The following PIK3R3 variants were observed in gnomAD, a reference collection of about 807,000 sequenced individuals.
PIK3R3 encodes the protein phosphoinositide-3-kinase regulatory subunit 3.
Under a neutral mutation model 62.9 loss-of-function variants are expected in PIK3R3, and 64 were observed. That is an observed-to-expected ratio of 1.02 (90% CI 0.83 to 1.25). The LOEUF (loss-of-function observed/expected upper bound fraction) is 1.25, where lower values mean the gene tolerates loss of function less well. Among genes scored for constraint, PIK3R3 ranks in the 50% most tolerant of loss-of-function variants. PIK3R3 has a pLI of 0.00. For synonymous variants in PIK3R3, 165 were observed against 189.0 expected (o/e 0.87, Z 1.04); for missense variants, 614 against 561.6 (o/e 1.09, Z -0.94).
At chr1:46,166,216 T>C in the PIK3R3 span, among the ~76,000 whole-genome samples, 1 of 150,608 alleles carries the variant, frequency 6.6e-6, no homozygotes, top group South Asian at 2.2e-4. Flanking sequence ...TTTTCTTTTC[T>C]TTTCTTTTCT....
chr1:46,046,058 G>A lies in PIK3R3; in HGVS notation c.1047C>T (p.Asn349=), dbSNP rs1647108100. 5.0e-6 allele frequency: 8 copies of A among 1,604,894 alleles called. No individual in the cohort carries two copies. In the East Asian group the frequency reaches 1.8e-4, roughly 36 times the overall value. The stretch of plus-strand genomic sequence containing the variant: ...AGGTTTTCTCATCATAATGGGGCAG[G>A]TTTTCATCTTCCTCATTGATAAAAT... ...ENYFINEEDE[N]LPHYDEKTWF... The change falls in exon 9 of 10, where the codon AAC becomes AAT. Residue 349 remains asparagine, a synonymous_variant. Coordinates refer to ENST00000262741, the MANE Select transcript of PIK3R3 (RefSeq NM_003629.4).
intron 1 of PIK3R3, among the ~76,000 whole-genome samples, chr1:46,131,036 A>T (rs1655535523): frequency 6.6e-6 from 1 of 152,258 alleles, no homozygotes; most frequent in African/African-American, 2.4e-5. Flanking sequence ...TGTATACTTT[A>T]CATTACGTGT....
chr1:46,110,547 G>A (rs1432425408), intron 1 of PIK3R3, among the ~76,000 whole-genome samples: 2 of 151,844 alleles, frequency 1.3e-5, no homozygotes, highest in Admixed American at 1.3e-4. Context: ...ATTCTACAGA[G>A]CTCTTCTCAA....
the PIK3R3 span, among the ~76,000 whole-genome samples, chr1:46,156,842 A>G: frequency 6.6e-6 from 1 of 152,056 alleles, no homozygotes; most frequent in Non-Finnish European, 1.5e-5. Flanking sequence ...CCATGCCTCA[A>G]CTCCACTTGG....
In PIK3R3 at chr1:46,061,844, G is replaced by A. The variant is rs1001324547; in HGVS notation, c.764+85C>T. The A allele has an allele frequency of 7.7e-6, 10 of 1,300,362 alleles. 1 individual carries two copies. Among genetic ancestry groups the A allele is most frequent in the Admixed American group, 3.6e-5 (2 of 56,284 alleles). 80.6% of individuals were successfully genotyped at this position (1,300,362 alleles called of 1,614,324 possible). A position where few individuals can be genotyped will look rare whatever the true frequency, so the allele number is the denominator to read the frequency against. ...ATAGTAGGGCTGTGCAGTTTGAGGGGGTAAAAGAAAACAAGACAGAAATTA... is the reference window on the plus strand; with the variant it reads ...ATAGTAGGGCTGTGCAGTTTGAGGGAGTAAAAGAAAACAAGACAGAAATTA... On this transcript the variant is annotated intron_variant, in intron 6 of 9. Transcript: ENST00000262741.
rs527482819 is a variant in PIK3R3, at chr1:46,091,297, C to T, written c.107-10547G>A. ...CTGGGACTATAGGCACGTGCTATCACGCCCAGCTAATTTTTGTATTTGTAG... is the reference window on the plus strand; with the variant it reads ...CTGGGACTATAGGCACGTGCTATCATGCCCAGCTAATTTTTGTATTTGTAG... On this transcript the variant is annotated intron_variant, in intron 1 of 9. Transcript: ENST00000262741. 1.6e-4 allele frequency among the ~76,000 whole-genome samples: 25 copies of T among 152,042 alleles called. No homozygotes were observed. The South Asian group carries it at 4.2e-3, about 25-fold the overall frequency.
intron 3 of PIK3R3, among the ~76,000 whole-genome samples, chr1:46,076,932 G>A (rs1026731785): frequency 6.6e-6 from 1 of 151,826 alleles, no homozygotes; most frequent in Non-Finnish European, 1.5e-5. Flanking sequence ...AAAATCATAA[G>A]GCTTTATTGT....
rs1191973127 is a variant in PIK3R3, at chr1:46,043,795, A to T, written c.1264T>A (p.Tyr422Asn). ...AGCACTAGCTCCTTCAGAGAGCTGT[A>T]CAGGTTGTAGGGCTCTGCAAAGCCA... ...GYGFAEPYNL[Y>N]SSLKELVLHY... is the part of the protein sequence containing the mutation. The change falls in exon 10 of 10, where the codon TAC becomes AAC. Residue 422 changes from tyrosine (Y) to asparagine (N), a missense_variant. Coordinates refer to ENST00000262741, the MANE Select transcript of PIK3R3 (RefSeq NM_003629.4). 1 of 1,614,042 alleles carries T rather than the reference A, an allele frequency of 6.2e-7. No individual in the cohort carries two copies. The highest frequency in any genetic ancestry group is 1.3e-5 in the African/African-American group (1 of 74,940).
chr1:46,156,774 C>T, the PIK3R3 span, among the ~76,000 whole-genome samples: 4 of 152,156 alleles, frequency 2.6e-5, no homozygotes, highest in African/African-American at 7.2e-5. Context: ...ACTGCAGTCA[C>T]GTTATCAGTT....
chr1:46,122,214 T>C (rs183383958), intron 1 of PIK3R3, among the ~76,000 whole-genome samples: 17 of 152,242 alleles, frequency 1.1e-4, no homozygotes, highest in Admixed American at 5.9e-4. Context: ...AATGTGGAAA[T>C]TGATCTTTAA....
At chr1:46,162,343 G>A in the PIK3R3 span, among the ~76,000 whole-genome samples, 16 of 151,832 alleles carry the variant, frequency 1.1e-4, no homozygotes, top group Non-Finnish European at 1.9e-4. Flanking sequence ...AATTAGCTGG[G>A]AGTGACGGTG....
intron 5 of PIK3R3, among the ~76,000 whole-genome samples, chr1:46,064,167 C>T (rs968522511): frequency 7.3e-5 from 11 of 151,128 alleles, no homozygotes; most frequent in East Asian, 2.0e-4. Flanking sequence ...GAGCCGAGAT[C>T]GTGCCACTAC....
intron 8 of PIK3R3, among the ~76,000 whole-genome samples, 193 bp downstream of exon 8, chr1:46,046,358 G>C (rs1207830956): frequency 6.6e-6 from 1 of 152,046 alleles, no homozygotes; most frequent in Non-Finnish European, 1.5e-5. Context: ...TCCAGATTTT[G>C]AGTTCAGAAG....
At chr1:46,128,354 T>C (rs767361263) in intron 1 of PIK3R3, among the ~76,000 whole-genome samples, 2 of 152,152 alleles carry the variant, frequency 1.3e-5, no homozygotes, top group Non-Finnish European at 2.9e-5. Context: ...CAAGAATCCT[T>C]TGAACCCAGG....
intron 7 of PIK3R3, 75 bp from the exon 8 acceptor site, chr1:46,046,700 T>C (rs1647126814): frequency 9.7e-7 from 1 of 1,026,720 alleles, no homozygotes; most frequent in African/African-American, 1.6e-5. Flanking sequence ...CTGAGCCAAC[T>C]AAACTTCTAG....
rs753143926 is a variant in PIK3R3, at chr1:46,043,708, G to T, written c.1351C>A (p.Pro451Thr). 2 of 1,614,178 alleles carry T rather than the reference G, an allele frequency of 1.2e-6. No individual in the cohort carries two copies. Among genetic ancestry groups the T allele is most frequent in the East Asian group, 2.2e-5 (1 of 44,890 alleles). ...NDSLNVRLAY[P>T]VHAQMPSLCR ...AGCGAGGGCATCTGTGCATGAACAG[G>T]GTAGGCAAGCCTGACGTTGAGGGAG... Residue 451 changes from proline (P) to threonine (T), a missense_variant, in exon 10 of 10, where the codon CCT becomes ACT. Physicochemically the swap from Pro to Thr is conservative, Grantham distance 38 (BLOSUM62 -1). Transcript: ENST00000262741.
In PIK3R3 at chr1:46,132,490, CGG is replaced by C; in HGVS notation, c.-540_-539del. ...AGAGGCCGGGACTCGGGCTCCTCTC[CGG>C]TCGGTCTCGGAACCGAAGCTGCCGC... On this transcript the variant is annotated 5_prime_UTR_variant, in exon 1 of 10. Coordinates refer to ENST00000262741, the MANE Select transcript of PIK3R3 (RefSeq NM_003629.4). 8.3e-7 allele frequency: 1 copy of C among 1,209,846 alleles called. No individual in the cohort carries two copies. Among genetic ancestry groups the C allele is most frequent in the Non-Finnish European group, 1.1e-6 (1 of 950,444 alleles). The allele number at this position is 1,209,846 out of a possible 1,614,324, so 74.9% of individuals were successfully genotyped here.
chr1:46,173,176 A>G, the PIK3R3 span, among the ~76,000 whole-genome samples: 1 of 152,098 alleles, frequency 6.6e-6, no homozygotes, highest in East Asian at 1.9e-4. Context: ...GGTGCAAGGT[A>G]AGGGCTGTAT....
At chr1:46,141,211 C>T in the PIK3R3 span, among the ~76,000 whole-genome samples, 16 of 151,344 alleles carry the variant, frequency 1.1e-4, no homozygotes, top group Non-Finnish European at 1.6e-4. Flanking sequence ...TATGGCAGCC[C>T]TAGGAAATGA....
Sources: gnomAD v4.1 joint callset for allele counts (sites outside exome capture counted in the v4.1 genomes callset) on GRCh38, gnomAD v4.1.1 for gene constraint, MANE v1.5 for transcripts, NCBI Gene and HGNC (gene_info 2026-07-23, HGNC 2026-07-21) for gene names.